The following RBFOX1 variants were observed in gnomAD, a reference collection of about 807,000 sequenced individuals.
RBFOX1 encodes RNA binding fox-1 homolog 1, also known as RNA binding protein fox-1 homolog 1.
RBFOX1 carries 8 observed loss-of-function variants against 57.7 expected under a neutral mutation model. The ratio of observed to expected loss-of-function variants is 0.14; its 90% CI spans 0.08 to 0.25. The LOEUF (loss-of-function observed/expected upper bound fraction) is 0.25. Ranked by LOEUF, RBFOX1 falls within the 10% of genes least tolerant of loss-of-function variation. The pLI is 1.00. For synonymous variants in RBFOX1, 326 were observed against 222.4 expected (o/e 1.47, Z -4.15); for missense variants, 611 against 548.5 (o/e 1.11, Z -1.14).
intron 4 of RBFOX1, among the ~76,000 whole-genome samples, chr16:7,478,926 A>G (rs367714808): frequency 2.2e-4 from 34 of 152,146 alleles, no homozygotes; most frequent in African/African-American, 8.0e-4. Flanking sequence ...AGGGGAGAGT[A>G]CCATCATTTC....
At chr16:6,602,138 A>C (rs1319923963) in intron 2 of RBFOX1, among the ~76,000 whole-genome samples, 2 of 151,850 alleles carry the variant, frequency 1.3e-5, no homozygotes, top group African/African-American at 4.8e-5. Context: ...ATGTTTGTTC[A>C]AATCCTTTGC....
downstream of RBFOX1, among the ~76,000 whole-genome samples, chr16:5,604,540 A>G (rs2047494911): frequency 6.6e-6 from 1 of 152,142 alleles, no homozygotes; most frequent in Admixed American, 6.5e-5. Context: ...GTGTCTCTCT[A>G]GTGCATGTTA....
chr16:5,617,206 G>C (rs182977841), intron 3 of RBFOX1, among the ~76,000 whole-genome samples: 2 of 151,940 alleles, frequency 1.3e-5, no homozygotes, highest in Non-Finnish European at 2.9e-5. Flanking sequence ...CCTCACTTCC[G>C]ACTTTGACCC....
intron 4 of RBFOX1, among the ~76,000 whole-genome samples, chr16:7,124,455 TA>T (rs915105436): frequency 7.9e-5 from 12 of 151,920 alleles, no homozygotes. Context: ...TAATTTGAAA[TA>T]TGTACTGTAC....
chr16:5,683,524 T>C (rs2050408632), intron 3 of RBFOX1, among the ~76,000 whole-genome samples: 1 of 151,950 alleles, frequency 6.6e-6, no homozygotes. Context: ...TTCCAGTGCA[T>C]ATAAAGCAGG....
At chr16:7,205,523 A>G (rs566611710) in intron 4 of RBFOX1, among the ~76,000 whole-genome samples, 13 of 151,880 alleles carry the variant, frequency 8.6e-5, no homozygotes, top group Non-Finnish European at 1.8e-4. Context: ...AGGAAAAAAA[A>G]AAAAAGAAAA....
intron 3 of RBFOX1, among the ~76,000 whole-genome samples, chr16:5,742,709 T>A (rs2052820120): frequency 1.3e-5 from 2 of 152,200 alleles, no homozygotes; most frequent in Non-Finnish European, 2.9e-5. Flanking sequence ...CATATATGAC[T>A]TAAAGAAAGC....
chr16:6,510,192 A>G (rs930881612), intron 2 of RBFOX1, among the ~76,000 whole-genome samples: 2 of 152,118 alleles, frequency 1.3e-5, no homozygotes, highest in Admixed American at 6.6e-5. Flanking sequence ...CATTATAAAG[A>G]TTTATTTTTA....
At chr16:5,569,040 C>T (rs2046175027) in intron 2 of RBFOX1, among the ~76,000 whole-genome samples, 1 of 148,512 alleles carries the variant, frequency 6.7e-6, no homozygotes, top group Non-Finnish European at 1.5e-5. Context: ...TTGGTAGAGG[C>T]AGGGTTTCAT....
intron 3 of RBFOX1, among the ~76,000 whole-genome samples, chr16:5,693,348 A>G (rs146649857): frequency 3.7e-4 from 51 of 136,852 alleles, no homozygotes; most frequent in African/African-American, 1.3e-3. Context: ...GACTATTTTA[A>G]AAGCATATAT....
At chr16:7,561,719 C>G (rs746491642) in intron 5 of RBFOX1, among the ~76,000 whole-genome samples, 8 of 152,168 alleles carry the variant, frequency 5.3e-5, no homozygotes, top group Admixed American at 3.9e-4. Flanking sequence ...AGTAATTAGC[C>G]AGGAAAACCC....
In RBFOX1 at chr16:7,220,243, C is replaced by G. The variant is rs183655043; in HGVS notation, c.27+168145C>G. On this transcript the variant is annotated intron_variant, in intron 4 of 15. Coordinates refer to ENST00000550418, the MANE Select transcript of RBFOX1 (RefSeq NM_018723.4). Reference sequence around the variant, plus strand: ...TGAAGCAAGTAAGAGAAGGATAATTCAATATAGTACTCGTCAGTGGGCGTC... The same window carrying G: ...TGAAGCAAGTAAGAGAAGGATAATTGAATATAGTACTCGTCAGTGGGCGTC... 9.9e-5 allele frequency among the ~76,000 whole-genome samples: 15 copies of G among 152,284 alleles called. 1 individual carries two copies. In the East Asian group the frequency reaches 2.9e-3, roughly 29 times the overall value.
chr16:7,240,633 C>T (rs2094007830), intron 4 of RBFOX1, among the ~76,000 whole-genome samples: 1 of 152,116 alleles, frequency 6.6e-6, no homozygotes, highest in Admixed American at 6.6e-5. Context: ...CAGCTCACTG[C>T]AGCCTTGACC....
chr16:5,880,283 C>T (rs1408502724), intron 4 of RBFOX1, among the ~76,000 whole-genome samples: 2 of 152,212 alleles, frequency 1.3e-5, no homozygotes, highest in Non-Finnish European at 2.9e-5. Flanking sequence ...CAAAATCTGA[C>T]TCCAGTACCT....
rs550060087 is a variant in RBFOX1, at chr16:5,947,315, C to T, written c.351+79980C>T. 7.9e-5 allele frequency among the ~76,000 whole-genome samples: 12 copies of T among 152,286 alleles called. No individual in the cohort carries two copies. The highest frequency in any genetic ancestry group is 6.5e-4 in the Admixed American group (10 of 15,288). On this transcript the variant is annotated intron_variant, in intron 4 of 19. Transcript: ENST00000641259. The surrounding 1 kb of genome is among the most constrained non-coding windows in gnomAD (Gnocchi z 7.2). ...AGGTCAGAGGGGGAGGTCAGATCGC[C>T]ATCGAATGGACACCTCTTTTTACAA...
intron 3 of RBFOX1, among the ~76,000 whole-genome samples, chr16:7,049,967 C>T (rs553758677): frequency 3.0e-4 from 45 of 152,238 alleles, no homozygotes; most frequent in African/African-American, 1.1e-3. Context: ...ACATTTTATT[C>T]ACCCCAAATA....
intron 4 of RBFOX1, among the ~76,000 whole-genome samples, chr16:7,219,705 A>C (rs1567761782): frequency 6.6e-6 from 1 of 152,206 alleles, no homozygotes; most frequent in Admixed American, 6.5e-5. Context: ...TACACCCTGG[A>C]AACAGGAAGC....
At chr16:7,094,833 C>G (rs138170407) in intron 4 of RBFOX1, among the ~76,000 whole-genome samples, 239 of 149,466 alleles carry the variant, frequency 1.6e-3, no homozygotes, top group African/African-American at 5.5e-3. Flanking sequence ...GAGAATTTTT[C>G]TGCTTACATT....
At chr16:5,315,822 ATG>A (rs138700757) in intron 1 of RBFOX1, among the ~76,000 whole-genome samples, 2,633 of 152,166 alleles carry the variant, frequency 0.017, 70 homozygotes, top group African/African-American at 0.058. Context: ...GCATGCTGGG[ATG>A]TCCACCTCTG....
Sources: allele counts gnomAD v4.1 joint callset (sites outside exome capture counted in the v4.1 genomes callset), GRCh38; gene constraint gnomAD v4.1.1; non-coding constraint Gnocchi (gnomAD v3.1); transcripts MANE v1.5; gene names NCBI Gene and HGNC (gene_info 2026-07-23, HGNC 2026-07-21).